The following KNL1 variants were observed in gnomAD, a reference collection of about 807,000 sequenced individuals.
KNL1 encodes the protein outer kinetochore KNL1 complex subunit KNL1.
Under a neutral mutation model 201.3 loss-of-function variants are expected in KNL1, and 66 were observed. The ratio of observed to expected loss-of-function variants is 0.33; its 90% confidence interval spans 0.27 to 0.40. The LOEUF (loss-of-function observed/expected upper bound fraction) is 0.40, where lower values mean the gene tolerates loss of function less well. Among genes scored for constraint, KNL1 ranks in the 10% least tolerant of loss-of-function variants. The pLI is 1.00. For missense variants in KNL1, 2,815 were observed against 2,690.5 expected, an observed-to-expected ratio of 1.05 and a Z score of -1.02; for synonymous variants, 895 against 899.2, an observed-to-expected ratio of 1.00 and a Z score of 0.08.
intron 2 of KNL1, among the ~76,000 whole-genome samples, chr15:40,603,280 C>A (rs1891868155): frequency 6.6e-6 from 1 of 152,138 alleles, no homozygotes; most frequent in South Asian, 2.1e-4. Context: ...TGTTCCCCAA[C>A]CCTGTGTCCA....
intron 7 of KNL1, among the ~76,000 whole-genome samples, chr15:40,612,088 C>T (rs367577783): frequency 2.4e-4 from 37 of 152,082 alleles, no homozygotes; most frequent in African/African-American, 7.7e-4. Context: ...GAGGCTGAGG[C>T]GGGTAGATCA....
At chr15:40,626,834 C>T (rs1285265474) in intron 10 of KNL1, among the ~76,000 whole-genome samples, 1 of 152,040 alleles carries the variant, frequency 6.6e-6, no homozygotes, top group South Asian at 2.1e-4. Context: ...CCCACCTCGA[C>T]CTCCCAGAGT....
At position 40,623,607 on chromosome 15, in the gene KNL1, A is replaced by C. The variant is rs560796212; in HGVS notation, c.3343A>C (p.Lys1115Gln). ...GGACTTCCATTTGGCAGGGGCTTCT[A>C]AAACTATTTTGTATTCATGTGGGCA... ...KEDFHLAGASKTILYSCGQDD... is the reference protein window; with the variant it reads ...KEDFHLAGASQTILYSCGQDD... Residue 1115 changes from lysine to glutamine, a missense_variant, in exon 10 of 26, where the codon AAA becomes CAA. By Grantham distance (53) the Lys-to-Gln change is moderately conservative. Around this residue, in one of 3 missense-constraint regions of KNL1, gnomAD observed 2,464 missense variants for 2,291.7 expected, o/e 1.08. Transcript: ENST00000399668. 3 of 1,613,392 alleles carry C rather than the reference A, an allele frequency of 1.9e-6. No homozygotes were observed. Among genetic ancestry groups the C allele is most frequent in the Non-Finnish European group, 2.5e-6 (3 of 1,179,816 alleles).
At chr15:40,620,523 A>AG (rs1892483052) in intron 9 of KNL1, 117 bp from the exon 10 acceptor site, 3 of 610,570 alleles carry the variant, frequency 4.9e-6, no homozygotes, top group Admixed American at 6.6e-5. Flanking sequence ...CATTGATTCA[A>AG]GCAAACCAAC....
intron 13 of KNL1, among the ~76,000 whole-genome samples, chr15:40,637,015 T>G (rs1034214906): frequency 1.1e-4 from 16 of 151,970 alleles, no homozygotes; most frequent in African/African-American, 3.9e-4. Flanking sequence ...AATTATTCAG[T>G]CAGTGTTTAC....
rs1168288330 is a variant in KNL1 at position 40,662,108 on chromosome 15, C to G, written c.6871C>G (p.Pro2291Ala). ...TATTGCTACCATTCTATCTAAAGTGCCACTGGAGAACAACTACCTGAAGAA... is the reference window on the plus strand; with the variant it reads ...TATTGCTACCATTCTATCTAAAGTGGCACTGGAGAACAACTACCTGAAGAA... ...DDIATILSKV[P>A]LENNYLKNVV... is the part of the protein sequence containing the mutation. The change falls in exon 26 of 26, where the codon CCA (proline) becomes GCA (alanine). Residue 2291 changes from proline (P) to alanine (A), a missense_variant. Physicochemically the swap from Pro to Ala is conservative, Grantham distance 27. Coordinates refer to ENST00000399668, the MANE Select transcript of KNL1 (RefSeq NM_144508.5). 5.0e-6 allele frequency: 8 copies of G among 1,610,054 alleles called. No homozygotes were observed. The South Asian group carries it at 8.8e-5, about 18-fold the overall frequency.
chr15:40,604,487 T>C (rs945268731), intron 2 of KNL1, among the ~76,000 whole-genome samples: 1 of 152,194 alleles, frequency 6.6e-6, no homozygotes, highest in Non-Finnish European at 1.5e-5. Context: ...GCTGGAAGTA[T>C]AGACATGGGC....
Position 40,620,646 on chromosome 15 carries a change from A to G in KNL1, c.382A>G (p.Ile128Val), listed in dbSNP as rs370424279. ...HTQMQQKEFS[I>V]IEHTRERKHA... ...TATTTTGCTTTCATTATAGTTTTCA[A>G]TTATAGAACATACCCGTGAAAGGAA... is the stretch of plus-strand genomic sequence containing the variant. Residue 128 changes from isoleucine to valine, a missense_variant, in exon 10 of 26, where the codon ATT becomes GTT. Transcript: ENST00000399668. 122 of 1,558,390 alleles carry G rather than the reference A, an allele frequency of 7.8e-5. No homozygotes were observed. The highest frequency in any genetic ancestry group is 1.0e-4 in the Non-Finnish European group (117 of 1,157,454).
chr15:40,653,350 G>T (rs747800978), intron 21 of KNL1, among the ~76,000 whole-genome samples: 28 of 151,964 alleles, frequency 1.8e-4, no homozygotes, highest in African/African-American at 6.3e-4. Flanking sequence ...CACCACACCC[G>T]GCTAATTTTT....
At position 40,662,321 on chromosome 15, in the gene KNL1, CTG is replaced by C. The variant is rs1402534640; in HGVS notation, c.*135_*136del. On this transcript the variant is annotated 3_prime_UTR_variant, in exon 26 of 26. Coordinates refer to ENST00000399668, the MANE Select transcript of KNL1 (RefSeq NM_144508.5). ...TCCTTCTGATGATGTTATAGTTAAT[CTG>C]TATGTTTTTTATATCTCTGCAGAAT... 3.2e-6 allele frequency: 2 copies of C among 618,964 alleles called. No homozygotes were observed. The highest frequency in any genetic ancestry group is 2.9e-6 in the Non-Finnish European group (1 of 345,424). 38.3% of individuals were successfully genotyped at this position (618,964 alleles called of 1,614,324 possible).
At chr15:40,602,480 CTTTTTTTTTTTT>C (rs34192317) in intron 1 of KNL1, among the ~76,000 whole-genome samples, 5 of 79,148 alleles carry the variant, frequency 6.3e-5, no homozygotes, top group South Asian at 5.4e-4. Context: ...TTTTTCCTTC[CTTTTTTTTTTTT>C]TTTTTTTTTT....
At chr15:40,652,165 G>A (rs912668966) in intron 21 of KNL1, 60 bp downstream of exon 21, 2 of 1,108,830 alleles carry the variant, frequency 1.8e-6, no homozygotes, top group African/African-American at 3.1e-5. Context: ...ACTCACTAAA[G>A]ATTCAAATCT....
intron 13 of KNL1, among the ~76,000 whole-genome samples, chr15:40,637,771 CTATGAG>C (rs1405308256): frequency 2.6e-5 from 4 of 152,060 alleles, no homozygotes; most frequent in East Asian, 1.9e-4. Flanking sequence ...TACTGTCAGG[CTATGAG>C]TATAAGATAT....
At chr15:40,628,990 A>G (rs1291513216) in intron 12 of KNL1, among the ~76,000 whole-genome samples, 2 of 152,164 alleles carry the variant, frequency 1.3e-5, no homozygotes, top group Non-Finnish European at 2.9e-5. Flanking sequence ...CCATGATCAC[A>G]CAACTGTACC....
intron 2 of KNL1, among the ~76,000 whole-genome samples, chr15:40,604,887 T>C (rs2141699837): frequency 6.6e-6 from 1 of 152,338 alleles, no homozygotes; most frequent in South Asian, 2.1e-4. Flanking sequence ...TAAATTATGT[T>C]GTACTGATAA....
At position 40,650,334 on chromosome 15, in the gene KNL1, A is replaced by G. The variant is rs1288162397; in HGVS notation, c.6128A>G (p.Asn2043Ser). 1.2e-6 allele frequency: 2 copies of G among 1,612,766 alleles called. No individual in the cohort carries two copies. The highest frequency in any genetic ancestry group is 3.3e-5 in the Admixed American group (2 of 59,972). Residue 2043 changes from asparagine to serine, a missense_variant, in exon 18 of 26, where the codon AAT becomes AGT. Coordinates refer to ENST00000399668, the MANE Select transcript of KNL1 (RefSeq NM_144508.5). Reference protein sequence around the residue: ...TKNLEDEEKNNPVEEWDSEMR... With the variant: ...TKNLEDEEKNSPVEEWDSEMR... The stretch of plus-strand genomic sequence containing the variant: ...AATTTGGAGGATGAAGAGAAAAACA[A>G]TCCTGTGGAAGAATGGGATTCTGAA...
intron 8 of KNL1, 37 bp downstream of exon 8, chr15:40,615,415 A>AGTCT (rs1285865502): frequency 1.7e-6 from 1 of 591,496 alleles, no homozygotes; most frequent in Non-Finnish European, 2.8e-6. Flanking sequence ...ATAGTAAGAT[A>AGTCT]GTCTATTCAT....
chr15:40,612,035 T>C (rs1243840078), intron 7 of KNL1, among the ~76,000 whole-genome samples: 1 of 151,554 alleles, frequency 6.6e-6, no homozygotes, highest in Non-Finnish European at 1.5e-5. Flanking sequence ...TACAAAAAAT[T>C]GGCCGGGCAC....
intron 14 of KNL1, 85 bp from the exon 15 acceptor site, chr15:40,644,912 T>TA (rs1395616698): frequency 6.5e-6 from 5 of 770,144 alleles, no homozygotes; most frequent in South Asian, 1.8e-5. Context: ...TGGAGTCTCT[T>TA]ACGTCTTTCC....
Sources: allele counts gnomAD v4.1 joint callset (sites outside exome capture counted in the v4.1 genomes callset), GRCh38; gene constraint gnomAD v4.1.1; regional missense constraint gnomAD v4.1.1; transcripts MANE v1.5; gene names NCBI Gene and HGNC (gene_info 2026-07-23, HGNC 2026-07-21).